Variants in PCDHGA7 observed in about 807,000 individuals in gnomAD.
The protein encoded by PCDHGA7 is protocadherin gamma subfamily A, 7.
In PCDHGA7, 44 loss-of-function variants were observed where a neutral mutation model predicts 58.3. The ratio of observed to expected loss-of-function variants is 0.75; its 90% CI spans 0.59 to 0.97. The LOEUF (loss-of-function observed/expected upper bound fraction) is 0.97. Among genes scored for constraint, PCDHGA7 ranks in the 50% least tolerant of loss-of-function variants. PCDHGA7 has a pLI of 0.00. For synonymous variants in PCDHGA7, 516 were observed against 504.2 expected (o/e 1.02, Z -0.31); for missense variants, 1,266 against 1,188.7 (o/e 1.06, Z -0.96).
chr5:141,476,825 G>A lies in PCDHGA7; in HGVS notation c.2425-17982G>A. ...GCCTATTCACATCAAGGTGCTGGACGCGAATGACAATGCGCCTGTCTTCAA... is the reference window on the plus strand; with the variant it reads ...GCCTATTCACATCAAGGTGCTGGACACGAATGACAATGCGCCTGTCTTCAA... On this transcript the variant is annotated intron_variant, in intron 1 of 3. Transcript: ENST00000518325. The surrounding 1 kb of genome is among the most constrained non-coding windows in gnomAD (Gnocchi z 7.6). 6.2e-7 allele frequency: 1 copy of A among 1,613,554 alleles called. No individual in the cohort carries two copies. Among genetic ancestry groups the A allele is most frequent in the East Asian group, 2.2e-5 (1 of 44,870 alleles).
At chr5:141,492,673 C>T (rs2099743035) in intron 1 of PCDHGA7, among the ~76,000 whole-genome samples, 1 of 152,250 alleles carries the variant, frequency 6.6e-6, no homozygotes, top group Non-Finnish European at 1.5e-5. Flanking sequence ...GGGACTCCGT[C>T]TCAAGGGTCG....
chr5:141,407,505 T>TTTTTTTTTTTTTTTTTGAGACGG (rs1460306566), intron 1 of PCDHGA7, among the ~76,000 whole-genome samples: 2 of 152,146 alleles, frequency 1.3e-5, no homozygotes, highest in African/African-American at 4.8e-5. Flanking sequence ...CTGTTTTTCT[T>TTTTTTTTTTTTTTTTTGAGACGG]AGGCTATGTA....
Position 141,462,050 on chromosome 5 carries a change from C to T in PCDHGA7, c.2425-32757C>T, listed in dbSNP as rs146056741. On this transcript the variant is annotated intron_variant, in intron 1 of 3. Coordinates refer to ENST00000518325, the MANE Select transcript of PCDHGA7 (RefSeq NM_018920.4). ...GTTGGTCAGGCGGGTCTTGAACTCC[C>T]GACCTCAGGTGATCTGCCCGCCTTG... is the stretch of plus-strand genomic sequence containing the variant. 5.5e-3 allele frequency among the ~76,000 whole-genome samples: 830 copies of T among 151,978 alleles called. 23 individuals are homozygous for T. The East Asian group carries it at 0.095, about 17-fold the overall frequency.
Position 141,431,349 on chromosome 5 carries a change from A to G in PCDHGA7, c.2424+46026A>G. 1.2e-6 allele frequency: 2 copies of G among 1,614,026 alleles called. No individual in the cohort carries two copies. The highest frequency in any genetic ancestry group is 4.5e-5 in the East Asian group (2 of 44,874). On this transcript the variant is annotated intron_variant, in intron 1 of 3. Coordinates refer to ENST00000518325, the MANE Select transcript of PCDHGA7 (RefSeq NM_018920.4). This position sits in a 1 kb window ranked among gnomAD's most constrained non-coding sequence, Gnocchi z 4.8. ...AGTAAGTACCCCGAATTGGTGCTGAAACGCGCCCTGGACCGCGAAGAAAAG... is the reference window on the plus strand; with the variant it reads ...AGTAAGTACCCCGAATTGGTGCTGAGACGCGCCCTGGACCGCGAAGAAAAG...
In PCDHGA7 at chr5:141,415,309, G is replaced by A. The variant is rs199689792; in HGVS notation, c.2424+29986G>A. ...GGTCTCCTGCGTCTTCCTGGCCTTC[G>A]TCATCGTGCTGCTGGCGCACAGGCT... is the stretch of plus-strand genomic sequence containing the variant. On this transcript the variant is annotated intron_variant, in intron 1 of 3. Coordinates refer to ENST00000518325, the MANE Select transcript of PCDHGA7 (RefSeq NM_018920.4). 2.7e-5 allele frequency: 44 copies of A among 1,614,216 alleles called. No homozygotes were observed. In the Middle Eastern group the frequency reaches 8.2e-4, roughly 30 times the overall value.
At chr5:141,492,468 G>A (rs927514972) in intron 1 of PCDHGA7, among the ~76,000 whole-genome samples, 1 of 152,232 alleles carries the variant, frequency 6.6e-6, no homozygotes, top group Admixed American at 6.5e-5. Flanking sequence ...GAGGGTCCCA[G>A]ATCGCGGCCG....
At chr5:141,433,391 CTA>C (rs1477426085) in intron 1 of PCDHGA7, among the ~76,000 whole-genome samples, 3 of 151,570 alleles carry the variant, frequency 2.0e-5, no homozygotes, top group African/African-American at 7.3e-5. Context: ...ATCTATCTAT[CTA>C]TCTATCTATC....
rs1369501221 is a variant in PCDHGA7 at position 141,493,257 on chromosome 5, A to G, written c.2425-1550A>G. On this transcript the variant is annotated intron_variant, in intron 1 of 3. Coordinates refer to ENST00000518325, the MANE Select transcript of PCDHGA7 (RefSeq NM_018920.4). The surrounding 1 kb of genome is among the most constrained non-coding windows in gnomAD (Gnocchi z 4.3). ...GGCTAGGTACTAACATGCCTCTCTT[A>G]TAACAGCTTCACAGAGGTCAAGTGA... Among the ~76,000 whole-genome samples the G allele has an allele frequency of 6.6e-6, 1 of 152,190 alleles. No individual in the cohort carries two copies. Among genetic ancestry groups the G allele is most frequent in the South Asian group, 2.1e-4 (1 of 4,830 alleles).
rs151105903 is a variant in PCDHGA7 at position 141,419,964 on chromosome 5, T to C, written c.2424+34641T>C. ...GTGGCCTTGGCCTTGATTTCTGTGC[T>C]CTTTCTCCTCGCGGTGATTCTAGCT... On this transcript the variant is annotated intron_variant, in intron 1 of 3. Transcript: ENST00000518325. 3.7e-6 allele frequency: 6 copies of C among 1,614,082 alleles called. No individual in the cohort carries two copies. Among genetic ancestry groups the C allele is most frequent in the Non-Finnish European group, 4.2e-6 (5 of 1,179,900 alleles).
At chr5:141,459,693 C>A (rs1014443574) in intron 1 of PCDHGA7, among the ~76,000 whole-genome samples, 1 of 152,210 alleles carries the variant, frequency 6.6e-6, no homozygotes, top group African/African-American at 2.4e-5. Flanking sequence ...AAGCGTTCCG[C>A]TTGCTACATT....
At chr5:141,437,104 T>C (rs539232057) in intron 1 of PCDHGA7, among the ~76,000 whole-genome samples, 1 of 152,338 alleles carries the variant, frequency 6.6e-6, no homozygotes, top group African/African-American at 2.4e-5. Flanking sequence ...GGCTTAGCTT[T>C]AGGATTTTTA....
At chr5:141,501,987 G>A (rs1462571527) in intron 2 of PCDHGA7, among the ~76,000 whole-genome samples, 2 of 152,016 alleles carry the variant, frequency 1.3e-5, no homozygotes, top group Non-Finnish European at 2.9e-5. Flanking sequence ...TGGTCCCGTT[G>A]TCTCCCTGAC....
intron 1 of PCDHGA7, chr5:141,430,838 G>A (rs866767896): frequency 2.6e-6 from 4 of 1,562,908 alleles, no homozygotes; most frequent in Non-Finnish European, 3.5e-6. Context: ...GTGGGAGACC[G>A]GATGCACCCA....
rs1024041994 is a variant in PCDHGA7 at position 141,409,578 on chromosome 5, T to C, written c.2424+24255T>C. The C allele has an allele frequency of 3.1e-6, 5 of 1,613,824 alleles. No individual in the cohort carries two copies. In the Admixed American group the frequency reaches 6.7e-5, roughly 22 times the overall value. On this transcript the variant is annotated intron_variant, in intron 1 of 3. Coordinates refer to ENST00000518325, the MANE Select transcript of PCDHGA7 (RefSeq NM_018920.4). Reference sequence around the variant, plus strand: ...GTTTTCGACCAGACGTCCTACGTGGTCCACGTGGCCGAGAACAACCCGCCA... The same window carrying C: ...GTTTTCGACCAGACGTCCTACGTGGCCCACGTGGCCGAGAACAACCCGCCA...
chr5:141,482,086 T>C (rs1435200188), intron 1 of PCDHGA7, among the ~76,000 whole-genome samples: 6 of 93,070 alleles, frequency 6.4e-5, no homozygotes, highest in African/African-American at 3.7e-4. Flanking sequence ...ACTCACTCCA[T>C]CTCAAAAAAA....
chr5:141,435,952 G>A lies in PCDHGA7; in HGVS notation c.2424+50629G>A, dbSNP rs944960593. ...TTGCTGCTTCTGAGACCAAAAAAGG[G>A]GGCAAAATATAGAGTGTGTGGTTCT... is the stretch of plus-strand genomic sequence containing the variant. On this transcript the variant is annotated intron_variant, in intron 1 of 3. Transcript: ENST00000518325. Among the ~76,000 whole-genome samples the A allele has an allele frequency of 2.6e-5, 4 of 152,098 alleles. No individual in the cohort carries two copies. The South Asian group carries it at 8.3e-4, about 32-fold the overall frequency.
chr5:141,491,291 C>A lies in PCDHGA7; in HGVS notation c.2425-3516C>A. The A allele has an allele frequency of 8.1e-6, 13 of 1,614,152 alleles. No individual in the cohort carries two copies. Among genetic ancestry groups the A allele is most frequent in the Non-Finnish European group, 1.1e-5 (13 of 1,179,974 alleles). On this transcript the variant is annotated intron_variant, in intron 1 of 3. Transcript: ENST00000518325. This position sits in a 1 kb window ranked among gnomAD's most constrained non-coding sequence, Gnocchi z 6.9. The stretch of plus-strand genomic sequence containing the variant: ...AAATCCAGTGACTTCCTCATACACC[C>A]TCCTGAGCGTTCAGACCTTACCCTT...
intron 1 of PCDHGA7, chr5:141,420,319 G>A (rs1393746531): frequency 7.0e-7 from 1 of 1,437,540 alleles, no homozygotes; most frequent in Non-Finnish European, 9.4e-7. Flanking sequence ...ATTACAATAT[G>A]CCAATATATT....
intron 1 of PCDHGA7, among the ~76,000 whole-genome samples, chr5:141,446,571 G>C (rs1460375061): frequency 2.0e-5 from 3 of 152,058 alleles, no homozygotes; most frequent in African/African-American, 7.2e-5. Flanking sequence ...CTGCCTCCCA[G>C]GTTCAAGTGA....
Sources: gnomAD v4.1 joint callset for allele counts (sites outside exome capture counted in the v4.1 genomes callset) on GRCh38, gnomAD v4.1.1 for gene constraint, Gnocchi (gnomAD v3.1) non-coding constraint, MANE v1.5 for transcripts, NCBI Gene and HGNC (gene_info 2026-07-23, HGNC 2026-07-21) for gene names.